Variants in AKAP11 observed in about 807,000 individuals in gnomAD.
The protein encoded by AKAP11 is A-kinase anchoring protein 11.
AKAP11 carries 36 observed loss-of-function variants against 146.1 expected under a neutral mutation model. The observed-to-expected ratio is 0.25, with a 90% CI of 0.19 to 0.33. The LOEUF is 0.33. AKAP11 is among the 10% of genes least tolerant of loss of function. AKAP11 has a pLI of 1.00. For synonymous variants in AKAP11, 780 were observed against 786.5 expected (o/e 0.99, Z 0.14); for missense variants, 2,201 against 2,197.0 (o/e 1.00, Z -0.04).
intron 1 of AKAP11, among the ~76,000 whole-genome samples, chr13:42,275,734 C>G (rs1958900181): frequency 6.6e-6 from 1 of 152,140 alleles, no homozygotes; most frequent in Non-Finnish European, 1.5e-5. Flanking sequence ...CTCAGTTTTC[C>G]TATGCGTAGA....
At chr13:42,280,029 T>G (rs1959026638) in intron 1 of AKAP11, among the ~76,000 whole-genome samples, 1 of 152,254 alleles carries the variant, frequency 6.6e-6, no homozygotes, top group Non-Finnish European at 1.5e-5. Context: ...GAATATATTA[T>G]GGTTTATCTC....
At chr13:42,290,465 T>C (rs1959197231) in intron 3 of AKAP11, among the ~76,000 whole-genome samples, 1 of 152,218 alleles carries the variant, frequency 6.6e-6, no homozygotes, top group Non-Finnish European at 1.5e-5. Flanking sequence ...TCTGAGACAG[T>C]ATGAGTGTCC....
intron 6 of AKAP11, 22 bp from the exon 7 acceptor site, chr13:42,298,511 A>G (rs767622068): frequency 6.2e-7 from 1 of 1,601,828 alleles, no homozygotes. Context: ...AATTGTTTTT[A>G]TTATCTTTTA....
At position 42,302,699 on chromosome 13, in the gene AKAP11, T is replaced by G. The variant is rs61757547; in HGVS notation, c.3953T>G (p.Phe1318Cys). The change falls in exon 8 of 13, where the codon TTT becomes TGT. Residue 1318 changes from phenylalanine to cysteine, a missense_variant. Physicochemically the swap from Phe to Cys is radical, Grantham distance 205. Transcript: ENST00000025301. ...GTGCACCCAAGAGAAGTGGATCCGT[T>G]TATTCTTTCATTACCACCAAGTTCT... ...AVVHPREVDP[F>C]ILSLPPSSCM... 2,548 of 1,614,120 alleles carry G rather than the reference T, an allele frequency of 1.6e-3. 5 individuals carry two copies. The highest frequency in any genetic ancestry group is 2.0e-3 in the Non-Finnish European group (2,381 of 1,179,994).
intron 11 of AKAP11, among the ~76,000 whole-genome samples, chr13:42,314,988 T>C (rs1960750437): frequency 6.6e-6 from 1 of 152,208 alleles, no homozygotes; most frequent in African/African-American, 2.4e-5. Context: ...TCTGAAAGTC[T>C]AATTTTTTTC....
rs1959841070 is a variant in AKAP11, at chr13:42,300,869, T to C, written c.2123T>C (p.Val708Ala). The change falls in exon 8 of 13, where the codon GTT (valine) becomes GCT (alanine). Residue 708 changes from valine to alanine, a missense_variant. Val to Ala is a moderately conservative substitution (Grantham distance 64). Coordinates refer to ENST00000025301, the MANE Select transcript of AKAP11 (RefSeq NM_016248.4). ...IQEAFIELSQ[V>A]DVTFTTKAAV... ...GAAGCATTCATTGAGCTATCACAAG[T>C]TGATGTGACCTTTACAACAAAGGCA... The C allele has an allele frequency of 6.2e-7, 1 of 1,614,010 alleles. No individual in the cohort carries two copies. Among genetic ancestry groups the C allele is most frequent in the Non-Finnish European group, 8.5e-7 (1 of 1,179,990 alleles).
At position 42,298,787 on chromosome 13, in the gene AKAP11, A is replaced by C. The variant is rs1401862457; in HGVS notation, c.606A>C (p.Pro202=). ...TAGAAGAGGAAGAGACTTCAAAGCC[A>C]TACAATGATGGTTTGTTTTTCATTA... ...EHLEEEETSK[P]YNDGMNITVL... is the part of the protein sequence containing the mutation. Residue 202 remains proline, a synonymous_variant, in exon 7 of 13, where the codon CCA becomes CCC. Coordinates refer to ENST00000025301, the MANE Select transcript of AKAP11 (RefSeq NM_016248.4). The C allele has an allele frequency of 6.4e-7, 1 of 1,557,112 alleles. No individual in the cohort carries two copies. The highest frequency in any genetic ancestry group is 1.3e-5 in the South Asian group (1 of 78,958).
rs1460408926 is a variant in AKAP11 at position 42,301,041 on chromosome 13, A to G, written c.2295A>G (p.Thr765=). The G allele has an allele frequency of 6.2e-7, 1 of 1,614,152 alleles. No homozygotes were observed. The highest frequency in any genetic ancestry group is 8.5e-7 in the Non-Finnish European group (1 of 1,179,966). ...TGCAGGAATATAAAAAGGAATACAC[A>G]GTGCAGCAGGCCTTGTTTTGTACTT... ...KPVQEYKKEY[T]VQQALFCTSG... is the part of the protein sequence containing the mutation. Residue 765 remains threonine, a synonymous_variant, in exon 8 of 13, where the codon ACA becomes ACG. Coordinates refer to ENST00000025301, the MANE Select transcript of AKAP11 (RefSeq NM_016248.4).
rs746471629 is a variant in AKAP11, at chr13:42,298,679, T to A, written c.498T>A (p.Leu166=). The A allele has an allele frequency of 6.2e-7, 1 of 1,611,830 alleles. No individual in the cohort carries two copies. The highest frequency in any genetic ancestry group is 1.3e-5 in the African/African-American group (1 of 74,894). The change falls in exon 7 of 13, where the codon CTT becomes CTA. Residue 166 remains leucine, a synonymous_variant. Coordinates refer to ENST00000025301, the MANE Select transcript of AKAP11 (RefSeq NM_016248.4). ...LDTFLHQKHQ[L]ETTDEDDDDT... ...CATTCTTGCATCAGAAGCACCAACT[T>A]GAGACCACTGATGAAGATGATGATG... is the stretch of plus-strand genomic sequence containing the variant.
rs368917566 is a variant in AKAP11, at chr13:42,303,572, A to C, written c.4826A>C (p.Gln1609Pro). 2.9e-4 allele frequency: 476 copies of C among 1,614,228 alleles called. 4 individuals are homozygous for C. In the South Asian group the frequency reaches 4.5e-3, roughly 15 times the overall value. Reference sequence around the variant, plus strand: ...AATTCATCTCAGCACTTTTTCAGACAGGGTTCTCTCGCCAGTAGTAAGCCA... The same window carrying C: ...AATTCATCTCAGCACTTTTTCAGACCGGGTTCTCTCGCCAGTAGTAAGCCA... The part of the protein sequence containing the change: ...TGNSSQHFFR[Q>P]GSLASSKPAS... The change falls in exon 8 of 13, where the codon CAG (glutamine) becomes CCG (proline). Residue 1609 changes from glutamine to proline, a missense_variant. This residue lies in a region of AKAP11 where 1,867 missense variants were observed against 1,833.5 expected (regional missense o/e 1.02). Coordinates refer to ENST00000025301, the MANE Select transcript of AKAP11 (RefSeq NM_016248.4).
Position 42,302,514 on chromosome 13 carries a change from A to G in AKAP11, c.3768A>G (p.Leu1256=). The G allele has an allele frequency of 1.9e-6, 3 of 1,612,132 alleles. No individual in the cohort carries two copies. The highest frequency in any genetic ancestry group is 1.7e-6 in the Non-Finnish European group (2 of 1,178,828). The change falls in exon 8 of 13, where the codon TTA becomes TTG. Residue 1256 remains leucine (L), a synonymous_variant. Coordinates refer to ENST00000025301, the MANE Select transcript of AKAP11 (RefSeq NM_016248.4). ...CCTCAGACGAAAATTTGAAAACATT[A>G]TGCAATTTTGCGGGTGATCTGGCAG... is the stretch of plus-strand genomic sequence containing the variant. ...LNPSDENLKT[L]CNFAGDLAAE...
intron 3 of AKAP11, among the ~76,000 whole-genome samples, chr13:42,291,672 A>G (rs1205086300): frequency 1.3e-5 from 2 of 152,206 alleles, no homozygotes; most frequent in Non-Finnish European, 2.9e-5. Context: ...GATGGGTAGG[A>G]TTTCTACATG....
intron 1 of AKAP11, among the ~76,000 whole-genome samples, 165 bp downstream of exon 1, chr13:42,272,393 C>A (rs953329655): frequency 6.6e-6 from 1 of 152,154 alleles, no homozygotes; most frequent in African/African-American, 2.4e-5. Context: ...TGCGCCTTCG[C>A]ATGGCGGAGG....
At chr13:42,315,860 T>A (rs1566294130) in intron 11 of AKAP11, among the ~76,000 whole-genome samples, 1 of 152,178 alleles carries the variant, frequency 6.6e-6, no homozygotes, top group Non-Finnish European at 1.5e-5. Context: ...ACTTATTTTT[T>A]TAAAAAAATA....
intron 11 of AKAP11, among the ~76,000 whole-genome samples, chr13:42,315,994 C>A (rs1960803147): frequency 6.6e-6 from 1 of 152,140 alleles, no homozygotes; most frequent in South Asian, 2.1e-4. Context: ...TGAGAAAACA[C>A]CAGCAGTGCA....
At chr13:42,289,538 C>T (rs537901900) in intron 3 of AKAP11, among the ~76,000 whole-genome samples, 2 of 152,228 alleles carry the variant, frequency 1.3e-5, no homozygotes, top group East Asian at 1.9e-4. Flanking sequence ...AAGTAGGTAC[C>T]TATATCCTTT....
chr13:42,292,858 A>G (rs538976525), intron 4 of AKAP11, among the ~76,000 whole-genome samples: 2 of 152,260 alleles, frequency 1.3e-5, no homozygotes, highest in East Asian at 1.9e-4. Context: ...CATGATTCTT[A>G]TGTTGATTTT....
rs1012327765 is a variant in AKAP11 at position 42,302,621 on chromosome 13, C to T, written c.3875C>T (p.Ala1292Val). The T allele has an allele frequency of 6.2e-7, 1 of 1,614,100 alleles. No individual in the cohort carries two copies. The highest frequency in any genetic ancestry group is 8.5e-7 in the Non-Finnish European group (1 of 1,180,008). The change falls in exon 8 of 13, where the codon GCT becomes GTT. Residue 1292 changes from alanine (A) to valine (V), a missense_variant. By Grantham distance (64) the Ala-to-Val change is moderately conservative. Around this residue, in one of 3 missense-constraint regions of AKAP11, gnomAD observed 1,867 missense variants for 1,833.5 expected, o/e 1.02. Coordinates refer to ENST00000025301, the MANE Select transcript of AKAP11 (RefSeq NM_016248.4). ...LFKQKKNSCY[A>V]DGDEDYKVEE... ...AAGCAAAAGAAGAACAGTTGTTATG[C>T]TGATGGTGACGAAGATTATAAAGTA...
chr13:42,273,091 T>C (rs1594286604), intron 1 of AKAP11, among the ~76,000 whole-genome samples: 1 of 152,220 alleles, frequency 6.6e-6, no homozygotes, highest in Non-Finnish European at 1.5e-5. Flanking sequence ...CCTAATAGCT[T>C]TAGTACAAAC....
Sources: gnomAD v4.1 joint callset for allele counts (sites outside exome capture counted in the v4.1 genomes callset) on GRCh38, gnomAD v4.1.1 for gene constraint, gnomAD v4.1.1 regional missense constraint, MANE v1.5 for transcripts, NCBI Gene and HGNC (gene_info 2026-07-23, HGNC 2026-07-21) for gene names.